Variants in IQCM observed in about 807,000 individuals in gnomAD.
IQCM encodes IQ motif containing M.
Under a neutral mutation model 57.6 loss-of-function variants are expected in IQCM, and 45 were observed. The ratio of observed to expected loss-of-function variants is 0.78; its 90% CI spans 0.62 to 1.00. The LOEUF is 1.00. Ranked by LOEUF, IQCM falls within the 50% of genes least tolerant of loss-of-function variation. The pLI, the probability that IQCM is intolerant of heterozygous loss-of-function variation, is 0.00. For missense variants in IQCM, 468 were observed against 511.6 expected (o/e 0.91, Z 0.82); for synonymous variants, 148 against 158.9 (o/e 0.93, Z 0.51).
intron 9 of IQCM, among the ~76,000 whole-genome samples, chr4:149,581,849 T>G (rs1296172408): frequency 6.6e-6 from 1 of 151,592 alleles, no homozygotes; most frequent in Non-Finnish European, 1.5e-5. Context: ...CATGTGACTC[T>G]CCCATGATTT....
rs562542850 is a variant in IQCM at position 149,511,920 on chromosome 4, C to T, written c.1228+36535G>A. ...TTAATTTTCAATTATTTATGCATGCCTTTATTCATTCATTTATTCAATCAA... is the reference window on the plus strand; with the variant it reads ...TTAATTTTCAATTATTTATGCATGCTTTTATTCATTCATTTATTCAATCAA... On this transcript the variant is annotated intron_variant, in intron 12 of 13. Coordinates refer to ENST00000636793, the MANE Select transcript of IQCM (RefSeq NM_001363507.2). Among the ~76,000 whole-genome samples the T allele has an allele frequency of 6.5e-4, 99 of 152,238 alleles. No homozygotes were observed. The Middle Eastern group carries it at 0.01, about 16-fold the overall frequency.
chr4:149,763,440 G>A (rs184948960), intron 2 of IQCM, among the ~76,000 whole-genome samples: 7 of 152,080 alleles, frequency 4.6e-5, no homozygotes, highest in African/African-American at 1.4e-4. Context: ...GAGAAAAAGA[G>A]GCTTAGAAAA....
intron 5 of IQCM, among the ~76,000 whole-genome samples, chr4:149,694,681 T>C (rs1763207728): frequency 1.3e-5 from 2 of 152,162 alleles, no homozygotes; most frequent in South Asian, 4.1e-4. Flanking sequence ...GGAAATTCAG[T>C]GTCAGAAAAG....
At chr4:149,368,766 A>G (rs1458020895) in intron 13 of IQCM, among the ~76,000 whole-genome samples, 1 of 119,716 alleles carries the variant, frequency 8.4e-6, no homozygotes, top group African/African-American at 2.9e-5. Context: ...GTATATATAT[A>G]TATACATATA....
chr4:149,770,905 ATAG>A (rs1770512094), intron 2 of IQCM, among the ~76,000 whole-genome samples: 2 of 152,186 alleles, frequency 1.3e-5, no homozygotes, highest in East Asian at 3.9e-4. Flanking sequence ...TACCTCTTCT[ATAG>A]TATTGTACAG....
At chr4:149,684,392 A>C (rs1762406940) in intron 6 of IQCM, among the ~76,000 whole-genome samples, 1 of 151,336 alleles carries the variant, frequency 6.6e-6, no homozygotes, top group African/African-American at 2.4e-5. Context: ...TAGTCATCCC[A>C]AAAGTATTAG....
intron 5 of IQCM, among the ~76,000 whole-genome samples, chr4:149,726,130 A>AGAAAGAAG (rs1554030470): frequency 6.7e-5 from 10 of 148,260 alleles, no homozygotes; most frequent in Non-Finnish European, 1.4e-4. Flanking sequence ...AAAGAAAGAA[A>AGAAAGAAG]GAAAGAAAGA....
chr4:149,466,369 T>A (rs1738860669), intron 12 of IQCM, among the ~76,000 whole-genome samples: 1 of 152,198 alleles, frequency 6.6e-6, no homozygotes. Context: ...AGAAGTGTAA[T>A]AATCTGATAA....
intron 12 of IQCM, among the ~76,000 whole-genome samples, chr4:149,537,159 A>G (rs574765213): frequency 6.1e-4 from 93 of 151,996 alleles, no homozygotes; most frequent in Non-Finnish European, 1.2e-3. Flanking sequence ...TTTAACAGAC[A>G]AAGAACTCAA....
intron 12 of IQCM, among the ~76,000 whole-genome samples, chr4:149,459,431 T>C (rs1490625359): frequency 6.6e-6 from 1 of 152,212 alleles, no homozygotes; most frequent in Non-Finnish European, 1.5e-5. Flanking sequence ...TCCCAATGTT[T>C]TTATTGTAGT....
chr4:149,714,640 T>C lies in IQCM; in HGVS notation c.385+18604A>G, dbSNP rs189435852. 1.5e-3 allele frequency among the ~76,000 whole-genome samples: 224 copies of C among 152,284 alleles called. 6 individuals carry two copies. Among genetic ancestry groups the C allele is most frequent in the Admixed American group, 0.014 (209 of 15,282 alleles). On this transcript the variant is annotated intron_variant, in intron 5 of 13. Transcript: ENST00000636793. ...GTTCCTATACATACATACATACCTA[T>C]GATAAAATTTATTTACACATTAGGC...
chr4:149,764,037 C>T (rs1769793891), intron 2 of IQCM, among the ~76,000 whole-genome samples: 1 of 152,072 alleles, frequency 6.6e-6, no homozygotes, highest in Non-Finnish European at 1.5e-5. Context: ...GTGCTGGAAT[C>T]AAGTACTTGA....
Position 149,742,669 on chromosome 4 carries a change from G to A in IQCM, c.23C>T (p.Pro8Leu), listed in dbSNP as rs947577656. 8.1e-7 allele frequency: 1 copy of A among 1,231,252 alleles called. No individual in the cohort carries two copies. The highest frequency in any genetic ancestry group is 1.6e-5 in the African/African-American group (1 of 64,352). The allele number at this position is 1,231,252 out of a possible 1,614,324, so 76.3% of individuals were successfully genotyped here. Reference protein sequence around the residue: MTTEEAMPEKAKCPTLEI... With the variant: MTTEEAMLEKAKCPTLEI... The stretch of plus-strand genomic sequence containing the variant: ...CAGATACTCACATTTTGCTTTTTCA[G>A]GCATAGCCTCTTCAGTAGTCATGAG... The change falls in exon 3 of 14, where the codon CCT becomes CTT. Residue 8 changes from proline (P) to leucine (L), a missense_variant. By Grantham distance (98) the Pro-to-Leu change is moderately conservative. Coordinates refer to ENST00000636793, the MANE Select transcript of IQCM (RefSeq NM_001363507.2).
chr4:149,523,304 C>T (rs577185201), intron 12 of IQCM, among the ~76,000 whole-genome samples: 3 of 152,050 alleles, frequency 2.0e-5, no homozygotes, highest in Non-Finnish European at 2.9e-5. Context: ...TACATTCAGT[C>T]CATAGCATGC....
intron 13 of IQCM, among the ~76,000 whole-genome samples, chr4:149,429,401 C>A (rs1734667369): frequency 1.3e-5 from 2 of 151,770 alleles, no homozygotes; most frequent in Non-Finnish European, 2.9e-5. Flanking sequence ...AGAAGAAATT[C>A]TTTGTGCCTA....
chr4:149,485,673 A>C (rs1488191383), intron 12 of IQCM, among the ~76,000 whole-genome samples: 2 of 152,044 alleles, frequency 1.3e-5, no homozygotes, highest in Admixed American at 6.6e-5. Flanking sequence ...TCTGTCTGAA[A>C]GGTCATAGAT....
chr4:149,682,334 A>G (rs953528640), intron 6 of IQCM, 128 bp from the exon 7 acceptor site: 152 of 394,522 alleles, frequency 3.9e-4, no homozygotes, highest in Non-Finnish European at 5.9e-4. Context: ...ACAGGACTAC[A>G]CCTGTTGTTC....
At chr4:149,613,267 A>T (rs1755469011) in intron 8 of IQCM, among the ~76,000 whole-genome samples, 1 of 152,042 alleles carries the variant, frequency 6.6e-6, no homozygotes, top group South Asian at 2.1e-4. Context: ...ATGAGCAAAT[A>T]TGTTTTATAT....
intron 8 of IQCM, among the ~76,000 whole-genome samples, chr4:149,590,222 G>A (rs937255375): frequency 7.5e-6 from 1 of 132,948 alleles, no homozygotes; most frequent in African/African-American, 2.8e-5. Context: ...AACATAATTA[G>A]CAATTGATTT....
Sources: allele counts gnomAD v4.1 joint callset (sites outside exome capture counted in the v4.1 genomes callset), GRCh38; gene constraint gnomAD v4.1.1; transcripts MANE v1.5; gene names NCBI Gene and HGNC (gene_info 2026-07-23, HGNC 2026-07-21).